SLC39A12: variants seen among roughly 807,000 people sequenced by gnomAD.
SLC39A12 encodes zinc transporter ZIP12.
In SLC39A12, 63 loss-of-function variants were observed where a neutral mutation model predicts 71.1. That is an observed-to-expected ratio of 0.89 (90% confidence interval 0.72 to 1.09). The LOEUF (loss-of-function observed/expected upper bound fraction) is 1.09, where lower values mean the gene tolerates loss of function less well. SLC39A12 is among the 50% of genes least tolerant of loss of function. The pLI is 0.00. For missense variants in SLC39A12, 892 were observed against 812.6 expected, an observed-to-expected ratio of 1.10 and a Z score of -1.19; for synonymous variants, 351 against 301.3, an observed-to-expected ratio of 1.16 and a Z score of -1.71.
chr10:17,961,912 G>A, intron 3 of SLC39A12, 50 bp downstream of exon 3: 2 of 1,522,196 alleles, frequency 1.3e-6, no homozygotes, highest in South Asian at 2.6e-5. Context: ...TACAGTTCTA[G>A]AGCCTTATTG....
rs1554847162 is a variant in SLC39A12, at chr10:17,952,030, G to C, written c.-87+5G>C. ...TCGTTTATCTTTCTTCTGAAGGTAA[G>C]CACTGGGGTTAGAAATGCTTGCATC... On this transcript the variant is annotated splice_donor_5th_base_variant and intron_variant, in intron 1 of 12. Transcript: ENST00000377369. 6.6e-6 allele frequency: 1 copy of C among 151,208 alleles called. No homozygotes were observed. The highest frequency in any genetic ancestry group is 1.5e-5 in the Non-Finnish European group (1 of 67,884). 9.4% of individuals were successfully genotyped at this position (151,208 alleles called of 1,614,324 possible).
chr10:18,036,162 G>A (rs998078699), intron 12 of SLC39A12, among the ~76,000 whole-genome samples: 6 of 152,252 alleles, frequency 3.9e-5, no homozygotes, highest in East Asian at 1.9e-4. Flanking sequence ...TCCTTGAGCT[G>A]TGGTGGGTTC....
intron 12 of SLC39A12, among the ~76,000 whole-genome samples, chr10:18,015,774 A>G (rs1441329267): frequency 6.6e-6 from 1 of 151,744 alleles, no homozygotes; most frequent in East Asian, 1.9e-4. Context: ...ATAAATAATC[A>G]ACTTTTTTTT....
intron 12 of SLC39A12, among the ~76,000 whole-genome samples, chr10:18,034,859 T>C (rs1264923949): frequency 6.6e-6 from 1 of 151,056 alleles, no homozygotes; most frequent in African/African-American, 2.4e-5. Context: ...ACAAAATCTC[T>C]CAGCATTTGC....
intron 7 of SLC39A12, among the ~76,000 whole-genome samples, chr10:17,990,351 C>A (rs904905863): frequency 2.0e-5 from 3 of 152,110 alleles, no homozygotes; most frequent in Non-Finnish European, 2.9e-5. Context: ...TGCCTGTACA[C>A]ATATATGTAT....
intron 6 of SLC39A12, among the ~76,000 whole-genome samples, chr10:17,982,210 A>G (rs561758152): frequency 6.6e-6 from 1 of 152,364 alleles, no homozygotes; most frequent in South Asian, 2.1e-4. Context: ...AGTTACCTGT[A>G]TCCCACTGAG....
chr10:17,962,993 G>A (rs1446880780), intron 3 of SLC39A12, among the ~76,000 whole-genome samples: 1 of 151,952 alleles, frequency 6.6e-6, no homozygotes, highest in African/African-American at 2.4e-5. Flanking sequence ...TTGTCTCTAC[G>A]AAAATAGAAT....
rs149367113 is a variant in SLC39A12, at chr10:18,009,299, A to G, written c.1947+5941A>G. Among the ~76,000 whole-genome samples, 393 of 152,248 alleles carry G rather than the reference A, an allele frequency of 2.6e-3. 1 individual carries two copies. Among genetic ancestry groups the G allele is most frequent in the African/African-American group, 9.0e-3 (376 of 41,552 alleles). ...GAATTTAGTACATTAATAGAACCCA[A>G]GCTGATGGAGGAGCTGTAACTTAGG... On this transcript the variant is annotated intron_variant, in intron 12 of 12. Coordinates refer to ENST00000377369, the MANE Select transcript of SLC39A12 (RefSeq NM_001145195.2).
chr10:17,995,619 A>G (rs775265563), intron 9 of SLC39A12, 37 bp from the exon 10 acceptor site: 3 of 1,578,660 alleles, frequency 1.9e-6, no homozygotes, highest in South Asian at 1.1e-5. Flanking sequence ...GATGGCCATT[A>G]CTTATCTTTC....
intron 12 of SLC39A12, among the ~76,000 whole-genome samples, chr10:18,024,283 C>T (rs958444654): frequency 2.6e-5 from 4 of 152,046 alleles, no homozygotes; most frequent in African/African-American, 9.7e-5. Flanking sequence ...GAATCCAAGG[C>T]CCTTGGGGTT....
intron 12 of SLC39A12, among the ~76,000 whole-genome samples, chr10:18,036,133 C>T (rs1485516266): frequency 1.3e-5 from 2 of 151,308 alleles, no homozygotes; most frequent in Non-Finnish European, 2.9e-5. Flanking sequence ...GAGGTGGAGC[C>T]TGCAGTGGCA....
chr10:17,955,410 A>G (rs898812904), intron 2 of SLC39A12, among the ~76,000 whole-genome samples: 11 of 152,134 alleles, frequency 7.2e-5, no homozygotes, highest in Non-Finnish European at 1.5e-4. Context: ...CCAATCACCC[A>G]TCAGGAAGGA....
chr10:18,008,033 T>C (rs1406875293), intron 12 of SLC39A12, among the ~76,000 whole-genome samples: 4 of 152,190 alleles, frequency 2.6e-5, no homozygotes, highest in Admixed American at 1.3e-4. Flanking sequence ...ATAGTAACTT[T>C]CTTCACTGTT....
In SLC39A12 at chr10:17,965,650, T is replaced by C; in HGVS notation, c.711T>C (p.Ile237=). ...LPSPDYFTEY[I]FSSLNRTNTL... Reference sequence around the variant, plus strand: ...CCCCAGACTACTTTACAGAATATATTTTCAGTTCCTTGAATCGTACGAATA... The same window carrying C: ...CCCCAGACTACTTTACAGAATATATCTTCAGTTCCTTGAATCGTACGAATA... Residue 237 remains isoleucine (I), a synonymous_variant, in exon 4 of 13, where the codon ATT becomes ATC. Transcript: ENST00000377369. 6.2e-7 allele frequency: 1 copy of C among 1,614,126 alleles called. No homozygotes were observed. Among genetic ancestry groups the C allele is most frequent in the East Asian group, 2.2e-5 (1 of 44,884 alleles).
intron 4 of SLC39A12, among the ~76,000 whole-genome samples, chr10:17,971,104 G>A (rs1001795884): frequency 7.9e-5 from 12 of 151,930 alleles, no homozygotes; most frequent in South Asian, 4.2e-4. Flanking sequence ...GTATTACATC[G>A]ACTGATTTGC....
intron 5 of SLC39A12, among the ~76,000 whole-genome samples, chr10:17,979,330 G>A (rs1835195560): frequency 6.6e-6 from 1 of 152,172 alleles, no homozygotes; most frequent in Non-Finnish European, 1.5e-5. Flanking sequence ...GCAGAAGTTT[G>A]TAATAGAATA....
chr10:17,969,844 C>T (rs147791484), intron 4 of SLC39A12, among the ~76,000 whole-genome samples: 2,033 of 152,252 alleles, frequency 0.013, 40 homozygotes, highest in African/African-American at 0.042. Flanking sequence ...GAGTATTACT[C>T]AGGAAATTTT....
intron 12 of SLC39A12, among the ~76,000 whole-genome samples, chr10:18,027,021 T>A (rs1265017211): frequency 2.0e-5 from 3 of 152,250 alleles, no homozygotes; most frequent in Admixed American, 6.5e-5. Flanking sequence ...ATTTTGATTC[T>A]GATGGTTGTT....
In SLC39A12 at chr10:17,961,709, T is replaced by G; in HGVS notation, c.390T>G (p.Ser130=). 6.2e-7 allele frequency: 1 copy of G among 1,614,146 alleles called. No homozygotes were observed. The highest frequency in any genetic ancestry group is 8.5e-7 in the Non-Finnish European group (1 of 1,179,988). Residue 130 remains serine, a synonymous_variant, in exon 3 of 13, where the codon TCT becomes TCG. Coordinates refer to ENST00000377369, the MANE Select transcript of SLC39A12 (RefSeq NM_001145195.2). ...YYIIHQEEIC[S]SKLNMSNKEY... ...TTATTCATCAGGAAGAGATCTGTTCTTCAAAGCTCAACATGAGTAATAAAG... is the reference window on the plus strand; with the variant it reads ...TTATTCATCAGGAAGAGATCTGTTCGTCAAAGCTCAACATGAGTAATAAAG...
Sources: allele counts gnomAD v4.1 joint callset (sites outside exome capture counted in the v4.1 genomes callset), GRCh38; gene constraint gnomAD v4.1.1; transcripts MANE v1.5; gene names NCBI Gene and HGNC (gene_info 2026-07-23, HGNC 2026-07-21).